Variants in IPO11 observed in about 807,000 individuals in gnomAD.
IPO11 encodes importin-11.
In IPO11, 66 loss-of-function variants were observed where a neutral mutation model predicts 143.2. The observed-to-expected ratio is 0.46, with a 90% CI of 0.38 to 0.57. IPO11 has a LOEUF of 0.57. IPO11 is among the 20% of genes least tolerant of loss of function. The pLI is 0.00. For missense variants in IPO11, 1,026 were observed against 1,141.0 expected (o/e 0.90, Z 1.45); for synonymous variants, 385 against 377.8 (o/e 1.02, Z -0.22).
chr5:62,507,733 G>C (rs1741600884), intron 19 of IPO11, among the ~76,000 whole-genome samples: 1 of 152,024 alleles, frequency 6.6e-6, no homozygotes, highest in African/African-American at 2.4e-5. Flanking sequence ...TTTTTAAATA[G>C]AAATGGGTCT....
chr5:62,421,056 A>G (rs1315064789), intron 1 of IPO11, among the ~76,000 whole-genome samples: 1 of 152,122 alleles, frequency 6.6e-6, no homozygotes, highest in East Asian at 1.9e-4. Flanking sequence ...GGACTTTGTA[A>G]TTTTTGCTAG....
chr5:62,477,713 G>T (rs1369576629), intron 9 of IPO11, among the ~76,000 whole-genome samples: 1 of 152,162 alleles, frequency 6.6e-6, no homozygotes, highest in Admixed American at 6.5e-5. Context: ...CACTATATCA[G>T]TTACATAAGT....
chr5:62,448,900 G>T (rs141295479), intron 3 of IPO11, among the ~76,000 whole-genome samples: 2 of 152,040 alleles, frequency 1.3e-5, no homozygotes, highest in African/African-American at 4.8e-5. Flanking sequence ...GTAGTAATAC[G>T]TTAATTCTGT....
intron 19 of IPO11, among the ~76,000 whole-genome samples, chr5:62,513,243 G>A (rs1376808772): frequency 6.6e-5 from 10 of 151,942 alleles, no homozygotes; most frequent in Non-Finnish European, 1.2e-4. Flanking sequence ...CCCAGACGGG[G>A]CGGGTGGCCG....
chr5:62,513,217 AC>A (rs1191684780), intron 19 of IPO11, among the ~76,000 whole-genome samples: 93 of 143,594 alleles, frequency 6.5e-4, no homozygotes, highest in Non-Finnish European at 1.1e-4. Context: ...CGGGGCGCTG[AC>A]CCCCCCATCT....
intron 1 of IPO11, among the ~76,000 whole-genome samples, chr5:62,421,894 T>C (rs1204426922): frequency 1.3e-5 from 2 of 152,242 alleles, no homozygotes; most frequent in African/African-American, 4.8e-5. Flanking sequence ...GATACAGCTT[T>C]ATAGACAGTG....
chr5:62,621,048 T>C (rs563248956), intron 29 of IPO11, among the ~76,000 whole-genome samples: 11 of 152,364 alleles, frequency 7.2e-5, no homozygotes, highest in Admixed American at 6.5e-4. Flanking sequence ...ATGGCACTTA[T>C]CATTTCTGCT....
At chr5:62,432,872 G>A (rs969933797) in intron 1 of IPO11, among the ~76,000 whole-genome samples, 1 of 152,174 alleles carries the variant, frequency 6.6e-6, no homozygotes, top group African/African-American at 2.4e-5. Flanking sequence ...TTGTGTTGTT[G>A]TTGTTGATAA....
chr5:62,458,805 G>A (rs558791196), intron 5 of IPO11, among the ~76,000 whole-genome samples: 10 of 152,266 alleles, frequency 6.6e-5, no homozygotes, highest in South Asian at 4.1e-4. Flanking sequence ...AGAGCTGTGC[G>A]CTGAACAGAA....
At chr5:62,439,453 A>AT (rs1469095589) in intron 2 of IPO11, among the ~76,000 whole-genome samples, 2 of 151,390 alleles carry the variant, frequency 1.3e-5, no homozygotes, top group South Asian at 2.1e-4. Flanking sequence ...CGCCTGGCTA[A>AT]TTTTTTTGTA....
chr5:62,528,764 A>G (rs912078623), intron 21 of IPO11, among the ~76,000 whole-genome samples: 3 of 152,134 alleles, frequency 2.0e-5, no homozygotes, highest in Non-Finnish European at 4.4e-5. Flanking sequence ...TGTGCACAAG[A>G]TATGAGAGGT....
intron 27 of IPO11, chr5:62,580,232 G>C: frequency 6.5e-7 from 1 of 1,550,014 alleles, no homozygotes; most frequent in Non-Finnish European, 8.7e-7. Context: ...TCAAGAATTA[G>C]GAATGTTACT....
intron 19 of IPO11, among the ~76,000 whole-genome samples, chr5:62,508,543 CCTTCTTT>C (rs747631327): frequency 1.3e-5 from 2 of 151,640 alleles, no homozygotes; most frequent in Non-Finnish European, 2.9e-5. Context: ...CTTCCTTCTT[CCTTCTTT>C]CTTTCTTCTT....
At chr5:62,579,389 C>T (rs1362406312) in intron 27 of IPO11, 1 of 1,515,482 alleles carries the variant, frequency 6.6e-7, no homozygotes, top group East Asian at 2.5e-5. Flanking sequence ...GCTTTACCTT[C>T]TCTTTTTATA....
chr5:62,549,411 G>C (rs1743320307), intron 24 of IPO11, among the ~76,000 whole-genome samples: 1 of 152,080 alleles, frequency 6.6e-6, no homozygotes, highest in Non-Finnish European at 1.5e-5. Flanking sequence ...GTACACTATT[G>C]GCACACAGTA....
chr5:62,483,254 G>T lies in IPO11; in HGVS notation c.982G>T (p.Val328Phe), dbSNP rs1346863807. 2 of 1,603,862 alleles carry T rather than the reference G, an allele frequency of 1.2e-6. No homozygotes were observed. The highest frequency in any genetic ancestry group is 2.7e-5 in the African/African-American group (2 of 74,602). ...VQCMNLIKMIVKNYAYKPSKN... is the reference protein window; with the variant it reads ...VQCMNLIKMIFKNYAYKPSKN... ...ATGTATGAATCTTATTAAGATGATT[G>T]TCAAAAATTATGCTTATAAGCCATC... The change falls in exon 10 of 30, where the codon GTC (valine) becomes TTC (phenylalanine). Residue 328 changes from valine (V) to phenylalanine (F), a missense_variant. Around this residue, in one of 5 missense-constraint regions of IPO11, gnomAD observed 429 missense variants for 456.3 expected, o/e 0.94. Transcript: ENST00000325324.
At chr5:62,548,133 T>A (rs1169695270) in intron 24 of IPO11, among the ~76,000 whole-genome samples, 1 of 151,796 alleles carries the variant, frequency 6.6e-6, no homozygotes. Context: ...ATTCAGTGTT[T>A]ACGTCATGAT....
At position 62,627,241 on chromosome 5, in the gene IPO11, C is replaced by G. The variant is rs1262091553; in HGVS notation, c.2851C>G (p.Gln951Glu). The change falls in exon 30 of 30, where the codon CAA (glutamine) becomes GAA (glutamate). Residue 951 changes from glutamine (Q) to glutamate (E), a missense_variant. Physicochemically the swap from Gln to Glu is conservative, Grantham distance 29 (BLOSUM62 2). Around this residue, in one of 5 missense-constraint regions of IPO11, gnomAD observed 351 missense variants for 358.9 expected, o/e 0.98. Transcript: ENST00000325324. ...GGCACAGCAGGAGATGCTAGGAGAACAAGGTTTCCAGTCCCTCATGGAAAC... is the reference window on the plus strand; with the variant it reads ...GGCACAGCAGGAGATGCTAGGAGAAGAAGGTTTCCAGTCCCTCATGGAAAC... ...LKAQQEMLGEQGFQSLMETVD... is the reference protein window; with the variant it reads ...LKAQQEMLGEEGFQSLMETVD... The G allele has an allele frequency of 3.1e-6, 5 of 1,614,124 alleles. No individual in the cohort carries two copies. The East Asian group carries it at 1.1e-4, about 36-fold the overall frequency.
At chr5:62,481,699 C>T (rs931606516) in intron 9 of IPO11, among the ~76,000 whole-genome samples, 2 of 152,144 alleles carry the variant, frequency 1.3e-5, no homozygotes, top group African/African-American at 4.8e-5. Context: ...CATTGATGTT[C>T]ATCAGGGATA....
Sources: allele counts gnomAD v4.1 joint callset (sites outside exome capture counted in the v4.1 genomes callset), GRCh38; gene constraint gnomAD v4.1.1; regional missense constraint gnomAD v4.1.1; transcripts MANE v1.5; gene names NCBI Gene and HGNC (gene_info 2026-07-23, HGNC 2026-07-21).